RTL8B: variants seen among roughly 807,000 people sequenced by gnomAD.
RTL8B encodes retrotransposon Gag-like protein 8B.
A neutral mutation model predicts 4.4 loss-of-function variants in RTL8B; 5 were observed. That is an observed-to-expected ratio of 1.13 (90% CI 0.59 to 2.37). The LOEUF (loss-of-function observed/expected upper bound fraction) is 2.37, where lower values mean the gene tolerates loss of function less well. Among genes scored for constraint, RTL8B ranks in the 30% most tolerant of loss-of-function variants. The pLI, the probability that RTL8B is intolerant of heterozygous loss-of-function variation, is 0.01. For missense variants in RTL8B, 82 were observed against 99.2 expected, an observed-to-expected ratio of 0.83 and a Z score of 0.74; for synonymous variants, 31 against 44.2, an observed-to-expected ratio of 0.70 and a Z score of 1.19.
chrX:135,021,880 G>A lies in RTL8B; in HGVS notation c.*238C>T. ...CATGGGAGGGGCTGAGCTGGCACGA[G>A]AGGGCGGAGGCAGCCCGCTCCAGAG... On this transcript the variant is annotated 3_prime_UTR_variant, in exon 1 of 1. Coordinates refer to ENST00000391440, the MANE Select transcript of RTL8B (RefSeq NM_001078173.2). 4 of 1,152,520 alleles carry A rather than the reference G, an allele frequency of 3.5e-6. No homozygotes were observed. Among genetic ancestry groups the A allele is most frequent in the Non-Finnish European group, 3.5e-6 (3 of 865,320 alleles). 95.0% of individuals were successfully genotyped at this position (1,152,520 alleles called of 1,213,427 possible).
At position 135,022,147 on chromosome X, in the gene RTL8B, A is replaced by C; in HGVS notation, c.313T>G (p.Phe105Val). ...RGFLAEMKRV[F>V]GWEEDEDF ...AAGTCCTCGTCCTCCTCCCATCCAA[A>C]GACCCGCTTCATCTCAGCCAGGAAG... Residue 105 changes from phenylalanine to valine, a missense_variant, in exon 1 of 1, where the codon TTT becomes GTT. Phe to Val is a conservative substitution (Grantham distance 50). Transcript: ENST00000391440. 8.3e-7 allele frequency: 1 copy of C among 1,211,947 alleles called. No homozygotes were observed. Among genetic ancestry groups the C allele is most frequent in the Non-Finnish European group, 1.1e-6 (1 of 895,523 alleles).
rs1255005544 is a variant in RTL8B, at chrX:135,020,645, A to G, written c.*1473T>C. 1 of 111,992 alleles carries G rather than the reference A, an allele frequency of 8.9e-6. No individual in the cohort carries two copies. The highest frequency in any genetic ancestry group is 3.3e-5 in the African/African-American group (1 of 30,748). 9.2% of individuals were successfully genotyped at this position (111,992 alleles called of 1,213,427 possible). A position where few individuals can be genotyped will look rare whatever the true frequency, so the allele number is the denominator to read the frequency against. ...ACATTTCCCTTATTGTGCATGGAAA[A>G]TAACAAAAAATTTTTTTACCCAAGC... On this transcript the variant is annotated 3_prime_UTR_variant, in exon 1 of 1. Transcript: ENST00000391440.
rs199847684 is a variant in RTL8B at position 135,022,369 on chromosome X, C to T, written c.91G>A (p.Glu31Lys). ...RRWRNPIPFPETFDGDTDRLP... is the reference protein window; with the variant it reads ...RRWRNPIPFPKTFDGDTDRLP... The stretch of plus-strand genomic sequence containing the variant: ...CGGTCGGTATCGCCATCAAACGTCT[C>T]GGGAAAGGGAATCGGGTTCCTCCAG... Residue 31 changes from glutamate (E) to lysine (K), a missense_variant, in exon 1 of 1, where the codon GAG becomes AAG. Glu to Lys is a moderately conservative substitution (Grantham distance 56). Coordinates refer to ENST00000391440, the MANE Select transcript of RTL8B (RefSeq NM_001078173.2). The T allele has an allele frequency of 5.8e-6, 7 of 1,210,724 alleles. No homozygotes were observed. The highest frequency in any genetic ancestry group is 7.8e-6 in the Non-Finnish European group (7 of 895,333).
Position 135,021,833 on chromosome X carries a change from C to G in RTL8B, c.*285G>C. On this transcript the variant is annotated 3_prime_UTR_variant, in exon 1 of 1. Coordinates refer to ENST00000391440, the MANE Select transcript of RTL8B (RefSeq NM_001078173.2). ...GGAGCTCAGCTTTGTGCAACTGGAG[C>G]GCAGGACAGCGTCCAAATGTGCATG... The G allele has an allele frequency of 4.4e-6, 5 of 1,131,221 alleles. No individual in the cohort carries two copies. The highest frequency in any genetic ancestry group is 5.9e-6 in the Non-Finnish European group (5 of 851,187). 93.2% of individuals were successfully genotyped at this position (1,131,221 alleles called of 1,213,427 possible). A position where few individuals can be genotyped will look rare whatever the true frequency, so the allele number is the denominator to read the frequency against.
chrX:135,022,491 A>T lies in RTL8B; in HGVS notation c.-32T>A, dbSNP rs1432239982. Reference sequence around the variant, plus strand: ...GCGCTGGCTCCGCTGAGTTTAGCTGAGCTGCGCTGGGCTTCGCCGGGGGCT... The same window carrying T: ...GCGCTGGCTCCGCTGAGTTTAGCTGTGCTGCGCTGGGCTTCGCCGGGGGCT... On this transcript the variant is annotated 5_prime_UTR_variant, in exon 1 of 1. Coordinates refer to ENST00000391440, the MANE Select transcript of RTL8B (RefSeq NM_001078173.2). 8.4e-6 allele frequency: 10 copies of T among 1,197,319 alleles called. No individual in the cohort carries two copies. The highest frequency in any genetic ancestry group is 1.1e-5 in the Non-Finnish European group (10 of 888,128).
In RTL8B at chrX:135,021,540, T is replaced by G; in HGVS notation, c.*578A>C. 35 of 575,816 alleles carry G rather than the reference T, an allele frequency of 6.1e-5. No homozygotes were observed. The highest frequency in any genetic ancestry group is 8.6e-5 in the Non-Finnish European group (33 of 385,206). The allele number at this position is 575,816 out of a possible 1,213,427, so 47.5% of individuals were successfully genotyped here. A position where few individuals can be genotyped will look rare whatever the true frequency, so the allele number is the denominator to read the frequency against. ...GCAGGAGCACAAAAAGTCTCTGGGA[T>G]TGGGGAGGAAATGGGTCTCGCTGAA... On this transcript the variant is annotated 3_prime_UTR_variant, in exon 1 of 1. Coordinates refer to ENST00000391440, the MANE Select transcript of RTL8B (RefSeq NM_001078173.2).
rs1284927907 is a variant in RTL8B, at chrX:135,020,872, G to GA, written c.*1245dup. ...ACCTATATAATTCTGTTGGTTCCCT[G>GA]AATCATGGGTTGAGTAAAATTTTAC... On this transcript the variant is annotated 3_prime_UTR_variant, in exon 1 of 1. Coordinates refer to ENST00000391440, the MANE Select transcript of RTL8B (RefSeq NM_001078173.2). 1 of 112,023 alleles carries GA rather than the reference G, an allele frequency of 8.9e-6. No individual in the cohort carries two copies. Among genetic ancestry groups the GA allele is most frequent in the Non-Finnish European group, 1.9e-5 (1 of 53,236 alleles). 9.2% of individuals were successfully genotyped at this position (112,023 alleles called of 1,213,427 possible). A position where few individuals can be genotyped will look rare whatever the true frequency, so the allele number is the denominator to read the frequency against.
Position 135,021,002 on chromosome X carries a change from C to G in RTL8B, c.*1116G>C, listed in dbSNP as rs941889294. On this transcript the variant is annotated 3_prime_UTR_variant, in exon 1 of 1. Transcript: ENST00000391440. ...TGAGGATACATTTTCCAAGAGCCTG[C>G]TGGCTGACTTCTCACATAGTGTTGA... The G allele has an allele frequency of 2.7e-5, 3 of 112,448 alleles. No homozygotes were observed. The highest frequency in any genetic ancestry group is 1.9e-5 in the Non-Finnish European group (1 of 53,469). 9.3% of individuals were successfully genotyped at this position (112,448 alleles called of 1,213,427 possible).
Position 135,022,346 on chromosome X carries a change from G to A in RTL8B, c.114C>T (p.Asp38=). Reference sequence around the variant, plus strand: ...TCTGCACGATGAACTCCGGGAGCCGGTCGGTATCGCCATCAAACGTCTCGG... The same window carrying A: ...TCTGCACGATGAACTCCGGGAGCCGATCGGTATCGCCATCAAACGTCTCGG... ...PFPETFDGDT[D]RLPEFIVQTS... The change falls in exon 1 of 1, where the codon GAC becomes GAT. Residue 38 remains aspartate (D), a synonymous_variant. Coordinates refer to ENST00000391440, the MANE Select transcript of RTL8B (RefSeq NM_001078173.2). 8.2e-7 allele frequency: 1 copy of A among 1,212,173 alleles called. No individual in the cohort carries two copies. Among genetic ancestry groups the A allele is most frequent in the Non-Finnish European group, 1.1e-6 (1 of 895,614 alleles).
chrX:135,021,226 T>C lies in RTL8B; in HGVS notation c.*892A>G, dbSNP rs1442412858. On this transcript the variant is annotated 3_prime_UTR_variant, in exon 1 of 1. Transcript: ENST00000391440. ...CAGGGGATATCGCTTCTGAACAAGA[T>C]ATGGACCACATTTACAGGACCAGGG... 1.3e-5 allele frequency: 3 copies of C among 227,103 alleles called. No homozygotes were observed. The highest frequency in any genetic ancestry group is 2.4e-5 in the Non-Finnish European group (3 of 123,073). The allele number at this position is 227,103 out of a possible 1,213,427, so 18.7% of individuals were successfully genotyped here.
At position 135,022,211 on chromosome X, in the gene RTL8B, G is replaced by A; in HGVS notation, c.249C>T (p.Tyr83=). 1.6e-6 allele frequency: 2 copies of A among 1,212,162 alleles called. No individual in the cohort carries two copies. The highest frequency in any genetic ancestry group is 1.1e-6 in the Non-Finnish European group (1 of 895,485). The change falls in exon 1 of 1, where the codon TAC becomes TAT. Residue 83 remains tyrosine (Y), a synonymous_variant. Transcript: ENST00000391440. ...TGPALQWVIP[Y]IKKESPLLSD... is the part of the protein sequence containing the mutation. ...TGAGGAGGGGGCTCTCCTTCTTGAT[G>A]TAGGGGATCACCCACTGCAGGGCGG...
rs754376141 is a variant in RTL8B at position 135,021,996 on chromosome X, T to A, written c.*122A>T. On this transcript the variant is annotated 3_prime_UTR_variant, in exon 1 of 1. Coordinates refer to ENST00000391440, the MANE Select transcript of RTL8B (RefSeq NM_001078173.2). ...GGAGGGGACAGGAGCGCAGGGGACA[T>A]CGTGGCGGCTCGAGGGGGAGGGAGG... The A allele has an allele frequency of 2.6e-6, 3 of 1,163,132 alleles. No individual in the cohort carries two copies. Among genetic ancestry groups the A allele is most frequent in the Admixed American group, 2.6e-5 (1 of 38,790 alleles).
rs1189858477 is a variant in RTL8B, at chrX:135,021,135, C to A, written c.*983G>T. 1 of 147,052 alleles carries A rather than the reference C, an allele frequency of 6.8e-6. No individual in the cohort carries two copies. Among genetic ancestry groups the A allele is most frequent in the Non-Finnish European group, 1.3e-5 (1 of 75,693 alleles). 12.1% of individuals were successfully genotyped at this position (147,052 alleles called of 1,213,427 possible). On this transcript the variant is annotated 3_prime_UTR_variant, in exon 1 of 1. Transcript: ENST00000391440. ...GATCACCAGTGGGGACACTATCCCC[C>A]AGGTTACCACAGGACTCTATCTTAG... is the stretch of plus-strand genomic sequence containing the variant.
At position 135,021,908 on chromosome X, in the gene RTL8B, A is replaced by C. The variant is rs775591843; in HGVS notation, c.*210T>G. 1 of 1,154,007 alleles carries C rather than the reference A, an allele frequency of 8.7e-7. No individual in the cohort carries two copies. Among genetic ancestry groups the C allele is most frequent in the Non-Finnish European group, 1.2e-6 (1 of 867,581 alleles). On this transcript the variant is annotated 3_prime_UTR_variant, in exon 1 of 1. Transcript: ENST00000391440. ...GGCGGAGGCAGCCCGCTCCAGAGTG[A>C]GGCCCAGGGGCGGCAGCAGGAGCCT...
chrX:135,021,559 C>T lies in RTL8B; in HGVS notation c.*559G>A, dbSNP rs149477038. The T allele has an allele frequency of 8.9e-4, 638 of 715,673 alleles. 1 individual carries two copies. The African/African-American group carries it at 0.013, about 14-fold the overall frequency. The allele number at this position is 715,673 out of a possible 1,213,427, so 59.0% of individuals were successfully genotyped here. A position where few individuals can be genotyped will look rare whatever the true frequency, so the allele number is the denominator to read the frequency against. On this transcript the variant is annotated 3_prime_UTR_variant, in exon 1 of 1. Coordinates refer to ENST00000391440, the MANE Select transcript of RTL8B (RefSeq NM_001078173.2). ...CTGGGATTGGGGAGGAAATGGGTCT[C>T]GCTGAAGGTAACAGGTCCCTTGAGG...
In RTL8B at chrX:135,021,939, G is replaced by C; in HGVS notation, c.*179C>G. The C allele has an allele frequency of 8.7e-7, 1 of 1,154,096 alleles. No individual in the cohort carries two copies. The highest frequency in any genetic ancestry group is 2.0e-5 in the South Asian group (1 of 50,415). On this transcript the variant is annotated 3_prime_UTR_variant, in exon 1 of 1. Transcript: ENST00000391440. ...AGGGGCGGCAGCAGGAGCCTGGAGC[G>C]CTATTCCTGGAACAAAGGCAAGCAC...
Position 135,021,728 on chromosome X carries a change from A to G in RTL8B, c.*390T>C. On this transcript the variant is annotated 3_prime_UTR_variant, in exon 1 of 1. Coordinates refer to ENST00000391440, the MANE Select transcript of RTL8B (RefSeq NM_001078173.2). ...GTGGCAGCGCAGGTCTGTGGGCAGCATGATGTAGTCGTCTGGAAGTCTGGT... is the reference window on the plus strand; with the variant it reads ...GTGGCAGCGCAGGTCTGTGGGCAGCGTGATGTAGTCGTCTGGAAGTCTGGT... 2 of 1,021,882 alleles carry G rather than the reference A, an allele frequency of 2.0e-6. No homozygotes were observed. Among genetic ancestry groups the G allele is most frequent in the Non-Finnish European group, 2.6e-6 (2 of 781,188 alleles). The allele number at this position is 1,021,882 out of a possible 1,213,427, so 84.2% of individuals were successfully genotyped here.
rs2083265991 is a variant in RTL8B at position 135,021,397 on chromosome X, G to T, written c.*721C>A. On this transcript the variant is annotated 3_prime_UTR_variant, in exon 1 of 1. Coordinates refer to ENST00000391440, the MANE Select transcript of RTL8B (RefSeq NM_001078173.2). Reference sequence around the variant, plus strand: ...TTATTTTGTTGATCAAAAAGCACCTGAGAAAATGCTGCAAATTCAGAAGAG... The same window carrying T: ...TTATTTTGTTGATCAAAAAGCACCTTAGAAAATGCTGCAAATTCAGAAGAG... 3.8e-6 allele frequency: 1 copy of T among 264,285 alleles called. No individual in the cohort carries two copies. The highest frequency in any genetic ancestry group is 2.9e-5 in the African/African-American group (1 of 34,972). The allele number at this position is 264,285 out of a possible 1,213,427, so 21.8% of individuals were successfully genotyped here.
chrX:135,022,410 C>T lies in RTL8B; in HGVS notation c.50G>A (p.Arg17Gln), dbSNP rs753993756. The change falls in exon 1 of 1, where the codon CGG (arginine) becomes CAG (glutamine). Residue 17 changes from arginine (R) to glutamine (Q), a missense_variant. Arg to Gln is a conservative substitution (Grantham distance 43). Coordinates refer to ENST00000391440, the MANE Select transcript of RTL8B (RefSeq NM_001078173.2). Reference protein sequence around the residue: ...LMKALLARPLRPAARRWRNPI... With the variant: ...LMKALLARPLQPAARRWRNPI... ...GTTCCTCCAGCGACGCGCCGCGGGC[C>T]GGAGGGGCCGAGCCAGGAGGGCCTT... 2.5e-6 allele frequency: 3 copies of T among 1,210,823 alleles called. No homozygotes were observed. The African/African-American group carries it at 5.2e-5, about 21-fold the overall frequency.
Sources: allele counts gnomAD v4.1 joint callset, GRCh38; gene constraint gnomAD v4.1.1; transcripts MANE v1.5; gene names NCBI Gene and HGNC (gene_info 2026-07-23, HGNC 2026-07-21).